ZBTB44: variants seen among roughly 807,000 people sequenced by gnomAD.
ZBTB44 encodes zinc finger and BTB domain-containing protein 44.
Under a neutral mutation model 54.0 loss-of-function variants are expected in ZBTB44, and 15 were observed. The observed-to-expected ratio is 0.28, with a 90% CI of 0.19 to 0.43. ZBTB44 has a LOEUF of 0.43. Among genes scored for constraint, ZBTB44 ranks in the 20% least tolerant of loss-of-function variants. The pLI is 1.00. For synonymous variants in ZBTB44, 230 were observed against 250.1 expected, an observed-to-expected ratio of 0.92 and a Z score of 0.76; for missense variants, 487 against 707.1, an observed-to-expected ratio of 0.69 and a Z score of 3.53.
chr11:130,288,724 C>A (rs1941124128), intron 1 of ZBTB44, among the ~76,000 whole-genome samples: 1 of 151,682 alleles, frequency 6.6e-6, no homozygotes, highest in Non-Finnish European at 1.5e-5. Context: ...ATGGTGAAAC[C>A]CTGTCTCTAC....
chr11:130,261,367 CACACT>C lies in ZBTB44; in HGVS notation c.502_506del (p.Ser168GlyfsTer24). 6.2e-7 allele frequency: 1 copy of C among 1,613,900 alleles called. No individual in the cohort carries two copies. The highest frequency in any genetic ancestry group is 8.5e-7 in the Non-Finnish European group (1 of 1,179,880). On this transcript the variant is annotated frameshift_variant, in exon 2 of 8. Transcript: ENST00000357899. LOFTEE classifies it high-confidence loss of function. The surrounding 1 kb of genome is among the most constrained non-coding windows in gnomAD (Gnocchi z 4.8). Reference sequence around the variant, plus strand: ...GGCAGACAGGAATGGTTCTTTCTACCACACTGCACTCTGAGGACACGGGAGAAATG... The same window carrying C: ...GGCAGACAGGAATGGTTCTTTCTACCGCACTCTGAGGACACGGGAGAAATG...
intron 2 of ZBTB44, among the ~76,000 whole-genome samples, chr11:130,254,573 C>G (rs1344891054): frequency 2.0e-5 from 3 of 152,132 alleles, no homozygotes; most frequent in African/African-American, 7.2e-5. Context: ...AGTCAGGAAA[C>G]AACAGGTGCT....
intron 1 of ZBTB44, among the ~76,000 whole-genome samples, chr11:130,301,169 G>A (rs993039325): frequency 1.1e-4 from 16 of 152,260 alleles, no homozygotes; most frequent in East Asian, 1.9e-4. Flanking sequence ...TTAAACAGGC[G>A]GAGGCCCAGG....
In ZBTB44 at chr11:130,300,211, T is replaced by C. The variant is rs1012056224; in HGVS notation, c.-57+14164A>G. Among the ~76,000 whole-genome samples the C allele has an allele frequency of 3.9e-5, 6 of 152,244 alleles. 1 individual carries two copies. The South Asian group carries it at 1.2e-3, about 32-fold the overall frequency. Reference sequence around the variant, plus strand: ...CGAGCACAGTTACACTTCTGAAAGATGAAGAGAGTTCTGAAAGATGGGTGG... The same window carrying C: ...CGAGCACAGTTACACTTCTGAAAGACGAAGAGAGTTCTGAAAGATGGGTGG... On this transcript the variant is annotated intron_variant, in intron 1 of 7. Transcript: ENST00000357899.
At chr11:130,249,481 G>C (rs1237359226) in intron 2 of ZBTB44, among the ~76,000 whole-genome samples, 2 of 152,196 alleles carry the variant, frequency 1.3e-5, no homozygotes, top group Non-Finnish European at 1.5e-5. Flanking sequence ...ATTTCCCCCA[G>C]AAAGACACTA....
rs1953702807 is a variant in ZBTB44 at position 130,226,682 on chromosome 11, T to C, written c.*5082A>G. 6.6e-6 allele frequency: 1 copy of C among 152,206 alleles called. No individual in the cohort carries two copies. Among genetic ancestry groups the C allele is most frequent in the African/African-American group, 2.4e-5 (1 of 41,444 alleles). 9.4% of individuals were successfully genotyped at this position (152,206 alleles called of 1,614,324 possible). A position where few individuals can be genotyped will look rare whatever the true frequency, so the allele number is the denominator to read the frequency against. On this transcript the variant is annotated 3_prime_UTR_variant, in exon 8 of 8. Transcript: ENST00000357899. ...TAAATAACAACAGCAGGAAGTTTTA[T>C]TCCATAAAGCATAAGATATTTTAAT...
At chr11:130,257,614 C>T (rs758629970) in intron 2 of ZBTB44, among the ~76,000 whole-genome samples, 9 of 152,152 alleles carry the variant, frequency 5.9e-5, no homozygotes, top group Non-Finnish European at 1.2e-4. Context: ...TAACACCTGT[C>T]GTTCAGATTT....
chr11:130,260,738 T>C, intron 2 of ZBTB44, 118 bp downstream of exon 2: 5 of 1,177,412 alleles, frequency 4.2e-6, no homozygotes, highest in South Asian at 1.7e-5. Flanking sequence ...CCAGTTACCA[T>C]GTTTTACTCT....
intron 1 of ZBTB44, among the ~76,000 whole-genome samples, chr11:130,311,604 G>A (rs1347273119): frequency 6.6e-6 from 1 of 152,102 alleles, no homozygotes; most frequent in Non-Finnish European, 1.5e-5. Context: ...AATAGGAATT[G>A]GAATATCACT....
intron 1 of ZBTB44, among the ~76,000 whole-genome samples, chr11:130,265,895 G>A (rs1939213731): frequency 6.6e-6 from 1 of 152,204 alleles, no homozygotes; most frequent in African/African-American, 2.4e-5. Context: ...AAAGTGCAAG[G>A]TGAACCCACA....
intron 2 of ZBTB44, among the ~76,000 whole-genome samples, chr11:130,255,412 G>A (rs1454716575): frequency 6.6e-6 from 1 of 152,148 alleles, no homozygotes; most frequent in South Asian, 2.1e-4. Context: ...GCACAGTTGA[G>A]AGGGAAATTT....
chr11:130,245,084 T>C (rs1954584088), intron 2 of ZBTB44, among the ~76,000 whole-genome samples: 1 of 152,220 alleles, frequency 6.6e-6, no homozygotes, highest in African/African-American at 2.4e-5. Flanking sequence ...GGGTATACTC[T>C]GAGGCTTTTG....
rs1000475430 is a variant in ZBTB44 at position 130,238,498 on chromosome 11, C to T, written c.1213G>A (p.Gly405Arg). The change falls in exon 4 of 8, where the codon GGG becomes AGG. Residue 405 changes from glycine (G) to arginine (R), a missense_variant. By Grantham distance (125) the Gly-to-Arg change is moderately radical (BLOSUM62 -2). Around this residue, in one of 3 missense-constraint regions of ZBTB44, gnomAD observed 120 missense variants for 240.3 expected, o/e 0.50. Transcript: ENST00000357899. ...TTCTGAATACGGGTGAATCGCACCC[C>T]GCAGGTTGGACACTGAAAAGGTCTG... Reference protein sequence around the residue: ...PDRPFQCPTCGVRFTRIQNLK... With the variant: ...PDRPFQCPTCRVRFTRIQNLK... 5.6e-6 allele frequency: 9 copies of T among 1,609,200 alleles called. No homozygotes were observed. Among genetic ancestry groups the T allele is most frequent in the Admixed American group, 5.1e-5 (3 of 59,396 alleles).
intron 1 of ZBTB44, among the ~76,000 whole-genome samples, chr11:130,294,796 T>G (rs771298185): frequency 3.3e-5 from 5 of 152,150 alleles, no homozygotes; most frequent in Admixed American, 2.6e-4. Context: ...CACATCATAT[T>G]ATTTTATCTA....
chr11:130,236,678 A>C, intron 5 of ZBTB44, 115 bp downstream of exon 5: 1 of 1,137,560 alleles, frequency 8.8e-7, no homozygotes, highest in Admixed American at 3.8e-5. Context: ...AATCCGTAAC[A>C]AATGTGACTG....
intron 5 of ZBTB44, 57 bp downstream of exon 5, chr11:130,236,736 A>C (rs1486457787): frequency 7.6e-7 from 1 of 1,323,126 alleles, no homozygotes; most frequent in Non-Finnish European, 9.6e-7. Context: ...CCCTAAAAGC[A>C]GGAAAAGAGA....
chr11:130,232,412 G>A (rs1203127822), intron 7 of ZBTB44: 2 of 152,142 alleles, frequency 1.3e-5, no homozygotes, highest in Non-Finnish European at 2.9e-5. Flanking sequence ...GGCACCAGAT[G>A]AAAAGTATAC....
chr11:130,265,231 T>C (rs973424751), intron 1 of ZBTB44, among the ~76,000 whole-genome samples: 1 of 152,094 alleles, frequency 6.6e-6, no homozygotes, highest in African/African-American at 2.4e-5. Context: ...GTTTCTCACT[T>C]TATTTTTTTT....
chr11:130,282,670 T>C (rs1276375905), intron 1 of ZBTB44, among the ~76,000 whole-genome samples: 2 of 152,244 alleles, frequency 1.3e-5, no homozygotes, highest in African/African-American at 2.4e-5. Context: ...ATCACTTGAC[T>C]GAAGTTACCC....
Sources: gnomAD v4.1 joint callset for allele counts (sites outside exome capture counted in the v4.1 genomes callset) on GRCh38, gnomAD v4.1.1 for gene constraint, gnomAD v4.1.1 regional missense constraint, Gnocchi (gnomAD v3.1) non-coding constraint, MANE v1.5 for transcripts, NCBI Gene and HGNC (gene_info 2026-07-23, HGNC 2026-07-21) for gene names.